The following SORCS2 variants were observed in gnomAD, a reference collection of about 807,000 sequenced individuals.
SORCS2 encodes sortilin related VPS10 domain containing receptor 2.
Under a neutral mutation model 141.6 loss-of-function variants are expected in SORCS2, and 100 were observed. The observed-to-expected ratio is 0.71, with a 90% CI of 0.60 to 0.83. The LOEUF (loss-of-function observed/expected upper bound fraction) is 0.83, where lower values mean the gene tolerates loss of function less well. SORCS2 is among the 40% of genes least tolerant of loss of function. The probability of loss-of-function intolerance (pLI) is 0.00; values close to 1 mark genes in which losing one functional copy is unlikely to be tolerated. For synonymous variants in SORCS2, 789 were observed against 676.9 expected (o/e 1.17, Z -2.57); for missense variants, 1,646 against 1,560.2 (o/e 1.05, Z -0.93).
At chr4:7,283,620 C>T (rs903793868) in intron 1 of SORCS2, among the ~76,000 whole-genome samples, 2 of 152,196 alleles carry the variant, frequency 1.3e-5, no homozygotes, top group African/African-American at 2.4e-5. Context: ...TGGTCTCTGA[C>T]CTGTGCCTGC....
intron 2 of SORCS2, among the ~76,000 whole-genome samples, chr4:7,527,643 TG>T (rs1398295845): frequency 6.6e-6 from 1 of 152,166 alleles, no homozygotes; most frequent in East Asian, 1.9e-4. Flanking sequence ...TTTAAGCTGC[TG>T]AGTCTGTGGG....
At chr4:7,713,242 A>G (rs1725946524) in intron 15 of SORCS2, among the ~76,000 whole-genome samples, 1 of 152,152 alleles carries the variant, frequency 6.6e-6, no homozygotes, top group Non-Finnish European at 1.5e-5. Context: ...CCACACTGTA[A>G]TTGAGACACA....
At chr4:7,592,650 C>A (rs796114978) in intron 3 of SORCS2, among the ~76,000 whole-genome samples, 1 of 152,146 alleles carries the variant, frequency 6.6e-6, no homozygotes, top group South Asian at 2.1e-4. Context: ...ATGGGGTCCC[C>A]GAATGACTGT....
At chr4:7,230,787 T>A (rs1238071868) in intron 1 of SORCS2, among the ~76,000 whole-genome samples, 4 of 151,428 alleles carry the variant, frequency 2.6e-5, no homozygotes, top group African/African-American at 9.7e-5. Flanking sequence ...ATGATGGAGA[T>A]GAAGATGGTA....
chr4:7,492,987 A>G (rs1315750885), intron 2 of SORCS2, among the ~76,000 whole-genome samples: 1 of 152,206 alleles, frequency 6.6e-6, no homozygotes, highest in Non-Finnish European at 1.5e-5. Context: ...TCTCACCCCC[A>G]TAAAGTCTAA....
intron 3 of SORCS2, among the ~76,000 whole-genome samples, chr4:7,614,166 C>T (rs1399523260): frequency 4.0e-5 from 6 of 151,258 alleles, no homozygotes; most frequent in African/African-American, 1.5e-4. Context: ...TCCACCCATC[C>T]ACCATCCACC....
At chr4:7,489,119 G>A (rs1412656416) in intron 2 of SORCS2, among the ~76,000 whole-genome samples, 1 of 152,198 alleles carries the variant, frequency 6.6e-6, no homozygotes, top group African/African-American at 2.4e-5. Context: ...TGCACAGACA[G>A]CAAGATGGAG....
intron 1 of SORCS2, among the ~76,000 whole-genome samples, chr4:7,318,803 TATATA>T (rs1223807146): frequency 3.3e-5 from 5 of 152,156 alleles, no homozygotes; most frequent in Non-Finnish European, 7.3e-5. Flanking sequence ...TTGACAAACT[TATATA>T]ATCATATCAA....
At chr4:7,327,766 C>T (rs879288054) in intron 1 of SORCS2, among the ~76,000 whole-genome samples, 3 of 152,220 alleles carry the variant, frequency 2.0e-5, no homozygotes, top group African/African-American at 4.8e-5. Context: ...AGCCTCTTTT[C>T]CCTTCCTGAG....
rs201052924 is a variant in SORCS2 at position 7,718,018 on chromosome 4, G to A, written c.2259G>A (p.Arg753=). ...GQTYTSSLGY[R]KVVSNVCEGG... ...CCCTCTCTTGTCAATCCAGGTACCG[G>A]AAAGTGGTGTCCAACGTGTGTGAGG... is the stretch of plus-strand genomic sequence containing the variant. The change falls in exon 18 of 27, where the codon CGG becomes CGA. Residue 753 remains arginine, a synonymous_variant. Transcript: ENST00000507866. 2.6e-4 allele frequency: 422 copies of A among 1,603,552 alleles called. 2 individuals carry two copies. Among genetic ancestry groups the A allele is most frequent in the Non-Finnish European group, 6.0e-5 (71 of 1,174,752 alleles).
In SORCS2 at chr4:7,201,715, GTT is replaced by G. The variant is rs1191644372; in HGVS notation, c.480+8590_480+8591del. Among the ~76,000 whole-genome samples the G allele has an allele frequency of 6.6e-6, 1 of 152,194 alleles. No homozygotes were observed. Among genetic ancestry groups the G allele is most frequent in the Non-Finnish European group, 1.5e-5 (1 of 68,038 alleles). Reference sequence around the variant, plus strand: ...TCTTTTTTCAGACTCCAAAGGATGAGTTATTTATAGGTTCTTACGAATGGCCC... The same window carrying G: ...TCTTTTTTCAGACTCCAAAGGATGAGATTTATAGGTTCTTACGAATGGCCC... On this transcript the variant is annotated intron_variant, in intron 1 of 26. Coordinates refer to ENST00000507866, the MANE Select transcript of SORCS2 (RefSeq NM_020777.3). This position sits in a 1 kb window ranked among gnomAD's most constrained non-coding sequence, Gnocchi z 4.4.
chr4:7,425,870 T>C (rs939354219), intron 2 of SORCS2, among the ~76,000 whole-genome samples: 1 of 152,208 alleles, frequency 6.6e-6, no homozygotes, highest in African/African-American at 2.4e-5. Flanking sequence ...AGGCTCTGCC[T>C]CGTCCACACT....
chr4:7,228,610 G>A (rs958986618), intron 1 of SORCS2, among the ~76,000 whole-genome samples: 4 of 152,228 alleles, frequency 2.6e-5, no homozygotes, highest in Admixed American at 6.5e-5. Context: ...TGCATGGTGA[G>A]GAGTGGAGAA....
At chr4:7,540,765 G>A (rs1044806099) in intron 3 of SORCS2, among the ~76,000 whole-genome samples, 8 of 152,158 alleles carry the variant, frequency 5.3e-5, no homozygotes, top group African/African-American at 1.2e-4. Context: ...CTATTTCCTG[G>A]CTTTCCGACC....
At chr4:7,464,911 A>G (rs1413193590) in intron 2 of SORCS2, among the ~76,000 whole-genome samples, 2 of 152,334 alleles carry the variant, frequency 1.3e-5, no homozygotes, top group African/African-American at 2.4e-5. Flanking sequence ...GCCTCCGGCC[A>G]TGGGTCCCGG....
At chr4:7,373,479 T>TATATATATATA (rs60434529) in intron 1 of SORCS2, among the ~76,000 whole-genome samples, 11 of 15,496 alleles carry the variant, frequency 7.1e-4, no homozygotes, top group South Asian at 7.8e-3. Flanking sequence ...TATATATATA[T>TATATATATATA]TTTTTTTTTT....
chr4:7,708,477 C>T (rs12500856), intron 14 of SORCS2, among the ~76,000 whole-genome samples: 51,228 of 151,914 alleles, frequency 0.34, 9,101 homozygotes, highest in East Asian at 0.4. Context: ...GCTGGCCGGC[C>T]GACCTTTGAT....
intron 1 of SORCS2, among the ~76,000 whole-genome samples, chr4:7,372,955 C>T (rs140775021): frequency 2.0e-5 from 3 of 150,776 alleles, no homozygotes; most frequent in African/African-American, 7.3e-5. Context: ...GTGAATGAGG[C>T]ACAGTTTGCT....
intron 1 of SORCS2, among the ~76,000 whole-genome samples, chr4:7,212,298 A>T (rs952786896): frequency 6.6e-5 from 10 of 152,184 alleles, no homozygotes; most frequent in Non-Finnish European, 1.3e-4. Flanking sequence ...AAGTTACTGG[A>T]GGGCGGGGAA....
Sources: gnomAD v4.1 joint callset for allele counts (sites outside exome capture counted in the v4.1 genomes callset) on GRCh38, gnomAD v4.1.1 for gene constraint, Gnocchi (gnomAD v3.1) non-coding constraint, MANE v1.5 for transcripts, NCBI Gene and HGNC (gene_info 2026-07-23, HGNC 2026-07-21) for gene names.